RASAL2: variants seen among roughly 807,000 people sequenced by gnomAD.
RASAL2 encodes RAS protein activator like 2.
Under a neutral mutation model 128.9 loss-of-function variants are expected in RASAL2, and 58 were observed. That is an observed-to-expected ratio of 0.45 (90% CI 0.36 to 0.56). The LOEUF is 0.56. RASAL2 is among the 20% of genes least tolerant of loss of function. The pLI is 0.00. For synonymous variants in RASAL2, 561 were observed against 580.8 expected (o/e 0.97, Z 0.49); for missense variants, 1,360 against 1,601.6 (o/e 0.85, Z 2.57).
At chr1:178,180,502 A>C (rs1327138716) in intron 1 of RASAL2, among the ~76,000 whole-genome samples, 1 of 150,706 alleles carries the variant, frequency 6.6e-6, no homozygotes, top group Non-Finnish European at 1.5e-5. Context: ...AAAAAAAAAA[A>C]AAAAAAACCC....
chr1:178,108,259 T>A lies in RASAL2; in HGVS notation c.202+13565T>A, dbSNP rs536267909. On this transcript the variant is annotated intron_variant, in intron 1 of 17. Transcript: ENST00000367649. ...CATTTGTATATCTTCTTTGGAGACA[T>A]GTCTATTCAAGTCCTCTTTTTTGCA... 1.5e-3 allele frequency among the ~76,000 whole-genome samples: 234 copies of A among 152,332 alleles called. 1 individual carries two copies. The highest frequency in any genetic ancestry group is 5.4e-3 in the African/African-American group (224 of 41,578).
intron 1 of RASAL2, among the ~76,000 whole-genome samples, chr1:178,195,783 A>T (rs1289248810): frequency 6.6e-6 from 1 of 152,188 alleles, no homozygotes; most frequent in Non-Finnish European, 1.5e-5. Context: ...TGAAAGCATG[A>T]CACTTAAAAA....
chr1:178,422,098 C>T (rs1049270702), intron 5 of RASAL2, among the ~76,000 whole-genome samples: 1 of 151,928 alleles, frequency 6.6e-6, no homozygotes, highest in African/African-American at 2.4e-5. Context: ...AACTCTGCAG[C>T]ATCATATAGA....
intron 2 of RASAL2, among the ~76,000 whole-genome samples, chr1:178,288,009 TAA>T (rs1667109625): frequency 6.6e-6 from 1 of 152,060 alleles, no homozygotes; most frequent in African/African-American, 2.4e-5. Context: ...AAAAAATATA[TAA>T]GACCAAATTT....
intron 3 of RASAL2, among the ~76,000 whole-genome samples, chr1:178,349,502 A>T (rs1670346765): frequency 6.6e-6 from 1 of 152,136 alleles, no homozygotes. Context: ...AGGTTAGATG[A>T]GGAAAGCATT....
intron 3 of RASAL2, among the ~76,000 whole-genome samples, chr1:178,333,104 C>T (rs1193610973): frequency 6.6e-6 from 1 of 152,110 alleles, no homozygotes; most frequent in Non-Finnish European, 1.5e-5. Context: ...TCTGGGCTCA[C>T]TGCAAGCTCC....
chr1:178,389,967 T>TTATGTGA, intron 3 of RASAL2, 133 bp from the exon 4 acceptor site: 1 of 575,890 alleles, frequency 1.7e-6, no homozygotes, highest in Non-Finnish European at 3.1e-6. Context: ...GATAGATAAA[T>TTATGTGA]TATGTGAGAT....
chr1:178,436,609 T>C (rs886628289), intron 5 of RASAL2, among the ~76,000 whole-genome samples: 3 of 152,198 alleles, frequency 2.0e-5, no homozygotes, highest in African/African-American at 7.2e-5. Context: ...ACAGAATACA[T>C]GTGAGAGAAA....
intron 1 of RASAL2, among the ~76,000 whole-genome samples, chr1:178,269,828 A>C (rs1185288721): frequency 6.6e-6 from 1 of 152,184 alleles, no homozygotes; most frequent in Non-Finnish European, 1.5e-5. Flanking sequence ...CTTTCTTAAT[A>C]AACTTGCTTT....
intron 3 of RASAL2, among the ~76,000 whole-genome samples, chr1:178,337,106 T>G (rs927904893): frequency 2.0e-5 from 3 of 152,124 alleles, no homozygotes; most frequent in Non-Finnish European, 4.4e-5. Context: ...GTCTACTAAG[T>G]CATCTTAGTG....
At chr1:178,460,862 G>C (rs1489132292) in intron 14 of RASAL2, among the ~76,000 whole-genome samples, 1 of 151,916 alleles carries the variant, frequency 6.6e-6, no homozygotes, top group Non-Finnish European at 1.5e-5. Context: ...CGCCTAGGCT[G>C]GAGTGCAGTG....
intron 3 of RASAL2, among the ~76,000 whole-genome samples, chr1:178,320,441 C>T (rs562138714): frequency 5.6e-4 from 85 of 152,226 alleles, no homozygotes; most frequent in African/African-American, 1.8e-3. Flanking sequence ...TAGCAATCAG[C>T]GAGACTCCGT....
chr1:178,133,634 T>C (rs751328007), intron 1 of RASAL2, among the ~76,000 whole-genome samples: 1 of 152,168 alleles, frequency 6.6e-6, no homozygotes, highest in Non-Finnish European at 1.5e-5. Flanking sequence ...TTTAGGGTTA[T>C]TAGGTTTTCA....
rs535384268 is a variant in RASAL2 at position 178,320,568 on chromosome 1, G to A, written c.457+20450G>A. On this transcript the variant is annotated intron_variant, in intron 3 of 17. Transcript: ENST00000367649. ...GTGACCTGATTTTCCAGGTGCGTCCGTCACCCCTTTCTTTGACTGGGAGAG... is the reference window on the plus strand; with the variant it reads ...GTGACCTGATTTTCCAGGTGCGTCCATCACCCCTTTCTTTGACTGGGAGAG... Among the ~76,000 whole-genome samples, 81 of 152,304 alleles carry A rather than the reference G, an allele frequency of 5.3e-4. 1 individual carries two copies. Among genetic ancestry groups the A allele is most frequent in the African/African-American group, 1.7e-3 (69 of 41,576 alleles).
intron 3 of RASAL2, among the ~76,000 whole-genome samples, chr1:178,382,012 G>A (rs1430872012): frequency 6.6e-6 from 1 of 152,124 alleles, no homozygotes; most frequent in Non-Finnish European, 1.5e-5. Flanking sequence ...ATTTTATGCT[G>A]AACAATGCTT....
chr1:178,366,277 G>GA (rs1557933262), intron 3 of RASAL2, among the ~76,000 whole-genome samples: 1 of 152,096 alleles, frequency 6.6e-6, no homozygotes, highest in African/African-American at 2.4e-5. Context: ...GATAAATCTG[G>GA]AAAAAAGATA....
rs1373669463 is a variant in RASAL2 at position 178,115,094 on chromosome 1, A to G, written c.202+20400A>G. On this transcript the variant is annotated intron_variant, in intron 1 of 17. Transcript: ENST00000367649. The stretch of plus-strand genomic sequence containing the variant: ...CTTCCTTATATATTTGGTACAGTTT[A>G]TCAGATAAGCCATCTACACCCGGAC... Among the ~76,000 whole-genome samples the G allele has an allele frequency of 2.6e-5, 4 of 151,782 alleles. No homozygotes were observed. In the East Asian group the frequency reaches 5.8e-4, roughly 22 times the overall value.
At chr1:178,391,200 T>C (rs1244308984) in intron 4 of RASAL2, among the ~76,000 whole-genome samples, 1 of 152,142 alleles carries the variant, frequency 6.6e-6, no homozygotes, top group Non-Finnish European at 1.5e-5. Flanking sequence ...TAATTAGACC[T>C]TAAGGATATT....
chr1:178,430,772 T>C (rs147558414), intron 5 of RASAL2, among the ~76,000 whole-genome samples: 1 of 152,072 alleles, frequency 6.6e-6, no homozygotes, highest in Non-Finnish European at 1.5e-5. Flanking sequence ...TAAGTGGTTC[T>C]AGCTGATGTG....
Sources: gnomAD v4.1 joint callset for allele counts (sites outside exome capture counted in the v4.1 genomes callset) on GRCh38, gnomAD v4.1.1 for gene constraint, MANE v1.5 for transcripts, NCBI Gene and HGNC (gene_info 2026-07-23, HGNC 2026-07-21) for gene names.